The following DGKG variants were observed in gnomAD, a reference collection of about 807,000 sequenced individuals.
DGKG encodes DAG kinase gamma.
A neutral mutation model predicts 105.3 loss-of-function variants in DGKG; 78 were observed. The observed-to-expected ratio is 0.74, with a 90% CI of 0.62 to 0.89. The LOEUF (loss-of-function observed/expected upper bound fraction) is 0.89. Among genes scored for constraint, DGKG ranks in the 40% least tolerant of loss-of-function variants. DGKG has a pLI of 0.00. For missense variants in DGKG, 958 were observed against 1,020.1 expected (o/e 0.94, Z 0.83); for synonymous variants, 346 against 367.1 (o/e 0.94, Z 0.66).
chr3:186,219,151 TA>T (rs35173611), intron 20 of DGKG, among the ~76,000 whole-genome samples: 118,090 of 124,344 alleles, frequency 0.95, 56,188 homozygotes, highest in South Asian at 0.98. Context: ...CATCAAGAGT[TA>T]AAAAAAAAAA....
intron 21 of DGKG, among the ~76,000 whole-genome samples, chr3:186,191,919 G>A (rs1717926629): frequency 6.6e-6 from 1 of 152,146 alleles, no homozygotes; most frequent in Non-Finnish European, 1.5e-5. Context: ...ACTTATTTTG[G>A]AATGTCTTCT....
intron 1 of DGKG, among the ~76,000 whole-genome samples, chr3:186,331,742 GC>G (rs1319734420): frequency 6.6e-6 from 1 of 152,200 alleles, no homozygotes. Context: ...AGTGTTTGTA[GC>G]TCAGGGGCAT....
At chr3:186,171,589 T>C (rs1205625545) in intron 22 of DGKG, among the ~76,000 whole-genome samples, 1 of 152,152 alleles carries the variant, frequency 6.6e-6, no homozygotes, top group African/African-American at 2.4e-5. Context: ...GTTTAAAGAA[T>C]AGAGACAAGA....
chr3:186,230,454 G>A (rs1720096785), intron 20 of DGKG, among the ~76,000 whole-genome samples: 2 of 152,098 alleles, frequency 1.3e-5, no homozygotes, highest in Non-Finnish European at 2.9e-5. Flanking sequence ...GGGAATGAGA[G>A]CAGCTGTGTG....
At position 186,355,918 on chromosome 3, in the gene DGKG, T is replaced by C. The variant is rs181894733; in HGVS notation, c.-249+6028A>G. 2.7e-4 allele frequency among the ~76,000 whole-genome samples: 41 copies of C among 152,362 alleles called. No homozygotes were observed. The East Asian group carries it at 7.7e-3, about 29-fold the overall frequency. ...TGGAATGAGCTTTTAGGATTGAAGC[T>C]GTGATTTCAAGGAACCAGCATGGAA... is the stretch of plus-strand genomic sequence containing the variant. On this transcript the variant is annotated intron_variant, in intron 1 of 24. Coordinates refer to ENST00000265022, the MANE Select transcript of DGKG (RefSeq NM_001346.3).
At chr3:186,256,488 C>T (rs1721482081) in intron 17 of DGKG, among the ~76,000 whole-genome samples, 1 of 152,230 alleles carries the variant, frequency 6.6e-6, no homozygotes, top group Non-Finnish European at 1.5e-5. Flanking sequence ...AAGCCCTGGA[C>T]ATCTCTCACT....
rs551187753 is a variant in DGKG, at chr3:186,335,760, AACTATGG to A, written c.-248-15060_-248-15054del. On this transcript the variant is annotated intron_variant, in intron 1 of 24. Coordinates refer to ENST00000265022, the MANE Select transcript of DGKG (RefSeq NM_001346.3). ...TTCTATAAGTTTATCTTAAGAAAGC[AACTATGG>A]ACAGTAATAACAGTATCACTTTCGC... 1.4e-3 allele frequency among the ~76,000 whole-genome samples: 206 copies of A among 152,360 alleles called. 2 individuals are homozygous for A. The Middle Eastern group carries it at 0.031, about 23-fold the overall frequency.
chr3:186,333,247 G>A (rs544001239), intron 1 of DGKG, among the ~76,000 whole-genome samples: 5 of 152,254 alleles, frequency 3.3e-5, no homozygotes, highest in African/African-American at 1.2e-4. Context: ...CTTGGAACCC[G>A]CACCAGAGCT....
intron 20 of DGKG, among the ~76,000 whole-genome samples, chr3:186,216,294 G>A (rs1209844939): frequency 6.6e-6 from 1 of 151,840 alleles, no homozygotes; most frequent in Non-Finnish European, 1.5e-5. Context: ...GCACCCGGCC[G>A]AGCTTATACA....
At chr3:186,312,347 G>C (rs1724595687) in intron 2 of DGKG, among the ~76,000 whole-genome samples, 1 of 152,066 alleles carries the variant, frequency 6.6e-6, no homozygotes, top group South Asian at 2.1e-4. Context: ...GTCACATTGG[G>C]ATCTGGTAAA....
At chr3:186,235,055 C>G (rs1720350349) in intron 20 of DGKG, among the ~76,000 whole-genome samples, 1 of 152,076 alleles carries the variant, frequency 6.6e-6, no homozygotes, top group Non-Finnish European at 1.5e-5. Context: ...AAACATGAAC[C>G]CATATTTCAT....
intron 5 of DGKG, among the ~76,000 whole-genome samples, chr3:186,294,702 A>C (rs1455598646): frequency 6.8e-6 from 1 of 146,658 alleles, no homozygotes; most frequent in Admixed American, 6.6e-5. Flanking sequence ...TAGTCCATAG[A>C]AGATATAAGA....
At chr3:186,233,878 G>A (rs941137446) in intron 20 of DGKG, among the ~76,000 whole-genome samples, 3 of 152,204 alleles carry the variant, frequency 2.0e-5, no homozygotes, top group East Asian at 1.9e-4. Context: ...CAGGTGAGCC[G>A]ACTGAGGTTC....
intron 16 of DGKG, among the ~76,000 whole-genome samples, chr3:186,259,776 T>C (rs1177678460): frequency 6.6e-6 from 1 of 151,926 alleles, no homozygotes; most frequent in Non-Finnish European, 1.5e-5. Context: ...CTAGCCCAGG[T>C]GCTGTAGGGG....
chr3:186,243,087 A>G (rs1195575114), intron 19 of DGKG, among the ~76,000 whole-genome samples: 3 of 152,084 alleles, frequency 2.0e-5, no homozygotes, highest in Admixed American at 1.3e-4. Context: ...AACATTTTAT[A>G]TAACTATAGG....
chr3:186,202,946 C>A (rs1471839166), intron 21 of DGKG, among the ~76,000 whole-genome samples: 1 of 151,960 alleles, frequency 6.6e-6, no homozygotes, highest in Non-Finnish European at 1.5e-5. Flanking sequence ...AAAAGAAAAT[C>A]AAAGTAATTC....
Position 186,147,770 on chromosome 3 carries a change from C to T in DGKG, c.*2320G>A. On this transcript the variant is annotated 3_prime_UTR_variant, in exon 25 of 25. Coordinates refer to ENST00000265022, the MANE Select transcript of DGKG (RefSeq NM_001346.3). ...ATCATGGCTGAAACACATGCACGAA[C>T]TTCTGTAAATGTCTTAGAATCAGTG... 1 of 985,422 alleles carries T rather than the reference C, an allele frequency of 1.0e-6. No individual in the cohort carries two copies. Among genetic ancestry groups the T allele is most frequent in the Non-Finnish European group, 1.2e-6 (1 of 829,944 alleles). 61.0% of individuals were successfully genotyped at this position (985,422 alleles called of 1,614,324 possible). A position where few individuals can be genotyped will look rare whatever the true frequency, so the allele number is the denominator to read the frequency against.
rs565557109 is a variant in DGKG at position 186,149,980 on chromosome 3, GTGTA to G, written c.*106_*109del. 1.0e-4 allele frequency: 153 copies of G among 1,472,274 alleles called. 1 individual carries two copies. The South Asian group carries it at 1.1e-3, about 10-fold the overall frequency. 91.2% of individuals were successfully genotyped at this position (1,472,274 alleles called of 1,614,324 possible). A position where few individuals can be genotyped will look rare whatever the true frequency, so the allele number is the denominator to read the frequency against. ...TTGCTTCCACTGGTTAGAGAAGAGTGTGTATGTGTGTGTGTGTGTGCATGTGTGA... is the reference window on the plus strand; with the variant it reads ...TTGCTTCCACTGGTTAGAGAAGAGTGTGTGTGTGTGTGTGTGCATGTGTGA... On this transcript the variant is annotated 3_prime_UTR_variant, in exon 25 of 25. Transcript: ENST00000265022.
At chr3:186,160,060 A>T in intron 24 of DGKG, 1 of 426,306 alleles carries the variant, frequency 2.3e-6, no homozygotes, top group Non-Finnish European at 3.1e-6. Flanking sequence ...TCTGTTGTTT[A>T]AGCTGTCAGT....
Sources: gnomAD v4.1 joint callset for allele counts (sites outside exome capture counted in the v4.1 genomes callset) on GRCh38, gnomAD v4.1.1 for gene constraint, MANE v1.5 for transcripts, NCBI Gene and HGNC (gene_info 2026-07-23, HGNC 2026-07-21) for gene names.